GPC5: variants seen among roughly 807,000 people sequenced by gnomAD.
The protein encoded by GPC5 is glypican-5.
Under a neutral mutation model 53.9 loss-of-function variants are expected in GPC5, and 47 were observed. The observed-to-expected ratio is 0.87, with a 90% CI of 0.69 to 1.11. The LOEUF (loss-of-function observed/expected upper bound fraction) is 1.11. GPC5 is among the 50% of genes most tolerant of loss of function. The pLI, the probability that GPC5 is intolerant of heterozygous loss-of-function variation, is 0.00. For synonymous variants in GPC5, 286 were observed against 263.3 expected, an observed-to-expected ratio of 1.09 and a Z score of -0.84; for missense variants, 748 against 713.1, an observed-to-expected ratio of 1.05 and a Z score of -0.56.
intron 7 of GPC5, among the ~76,000 whole-genome samples, chr13:92,602,241 T>TAAATATATATATATAAC (rs1566314142): frequency 1.1e-4 from 14 of 127,404 alleles, no homozygotes; most frequent in Admixed American, 1.7e-4. Context: ...AACATATATA[T>TAAATATATATATATAAC]ATATATATAT....
intron 6 of GPC5, among the ~76,000 whole-genome samples, chr13:91,914,394 TAA>T (rs149879759): frequency 0.012 from 1,753 of 152,264 alleles, 13 homozygotes; most frequent in African/African-American, 0.021. Flanking sequence ...TCAAATAACA[TAA>T]GAGTATTAAG....
intron 7 of GPC5, among the ~76,000 whole-genome samples, chr13:92,202,005 GCTGT>G (rs905307963): frequency 1.6e-4 from 25 of 152,220 alleles, no homozygotes; most frequent in African/African-American, 5.1e-4. Context: ...AACTAATTGT[GCTGT>G]CTAAGGAAAG....
At chr13:92,804,658 T>C (rs1594518840) in intron 7 of GPC5, among the ~76,000 whole-genome samples, 1 of 152,142 alleles carries the variant, frequency 6.6e-6, no homozygotes, top group Admixed American at 6.6e-5. Flanking sequence ...GGATTGGCTG[T>C]GGCAATTTCT....
At chr13:91,496,277 G>A (rs1041083226) in intron 2 of GPC5, among the ~76,000 whole-genome samples, 1 of 152,082 alleles carries the variant, frequency 6.6e-6, no homozygotes, top group Non-Finnish European at 1.5e-5. Flanking sequence ...CCATGGCTAG[G>A]TATATTCACA....
At chr13:92,289,245 G>A (rs1313184699) in intron 7 of GPC5, among the ~76,000 whole-genome samples, 2 of 152,152 alleles carry the variant, frequency 1.3e-5, no homozygotes, top group Non-Finnish European at 2.9e-5. Flanking sequence ...ATTAATTTTA[G>A]AATGTATTTA....
chr13:92,408,892 C>T (rs1258072951), intron 7 of GPC5, among the ~76,000 whole-genome samples: 1 of 151,970 alleles, frequency 6.6e-6, no homozygotes, highest in African/African-American at 2.4e-5. Context: ...GTGCCATATA[C>T]ATGAATGAAA....
chr13:91,446,930 A>G (rs1437580115), intron 1 of GPC5, among the ~76,000 whole-genome samples: 1 of 152,204 alleles, frequency 6.6e-6, no homozygotes, highest in Non-Finnish European at 1.5e-5. Flanking sequence ...TGAGACAGAG[A>G]AGAGACCATG....
At chr13:91,891,748 T>C (rs1467734740) in intron 5 of GPC5, among the ~76,000 whole-genome samples, 4 of 152,144 alleles carry the variant, frequency 2.6e-5, no homozygotes, top group Non-Finnish European at 5.9e-5. Flanking sequence ...TCTCATGTGG[T>C]TAAATTTTGT....
chr13:91,555,534 T>A (rs1358108362), intron 2 of GPC5, among the ~76,000 whole-genome samples: 3 of 152,094 alleles, frequency 2.0e-5, no homozygotes, highest in Admixed American at 1.3e-4. Flanking sequence ...TCCTATTAAA[T>A]GTTTATTTCT....
chr13:92,120,510 C>T (rs1169664279), intron 6 of GPC5, among the ~76,000 whole-genome samples: 1 of 152,102 alleles, frequency 6.6e-6, no homozygotes, highest in Non-Finnish European at 1.5e-5. Context: ...TCCTGCCACT[C>T]AAAGTGCTAG....
chr13:91,922,302 T>C lies in GPC5; in HGVS notation c.1401+14245T>C, dbSNP rs191371513. On this transcript the variant is annotated intron_variant, in intron 6 of 7. Transcript: ENST00000377067. ...ATTTAGTACTCTGATAAATATAAAC[T>C]TTTTTTAAAAAAAACTAAAGGCGAA... Among the ~76,000 whole-genome samples, 876 of 152,222 alleles carry C rather than the reference T, an allele frequency of 5.8e-3. 8 individuals carry two copies. Among genetic ancestry groups the C allele is most frequent in the Admixed American group, 0.01 (154 of 15,290 alleles).
intron 6 of GPC5, among the ~76,000 whole-genome samples, chr13:91,938,628 G>A (rs2039893840): frequency 6.6e-6 from 1 of 152,128 alleles, no homozygotes; most frequent in African/African-American, 2.4e-5. Flanking sequence ...CCTGTACCCA[G>A]AAGATTCAGG....
intron 6 of GPC5, chr13:91,996,262 G>T (rs2040503222): frequency 6.6e-6 from 1 of 152,232 alleles, no homozygotes; most frequent in Non-Finnish European, 1.5e-5. Flanking sequence ...GAAAGTGTTA[G>T]ATCAGTTATC....
intron 7 of GPC5, among the ~76,000 whole-genome samples, chr13:92,410,525 CTTTA>C (rs1875996552): frequency 6.6e-6 from 1 of 152,110 alleles, no homozygotes; most frequent in Non-Finnish European, 1.5e-5. Context: ...ACAGAACTTT[CTTTA>C]TTTAACCCAT....
intron 7 of GPC5, among the ~76,000 whole-genome samples, chr13:92,443,975 A>G (rs1447731308): frequency 6.6e-6 from 1 of 152,226 alleles, no homozygotes; most frequent in Non-Finnish European, 1.5e-5. Flanking sequence ...AGTCATGCTC[A>G]GCTGCTACAT....
At chr13:91,972,080 A>G (rs1442464756) in intron 6 of GPC5, among the ~76,000 whole-genome samples, 3 of 152,116 alleles carry the variant, frequency 2.0e-5, no homozygotes. Flanking sequence ...AAAGTCTCCC[A>G]TTATTATTGT....
At chr13:92,090,843 A>G (rs2041374368) in intron 6 of GPC5, among the ~76,000 whole-genome samples, 2 of 152,368 alleles carry the variant, frequency 1.3e-5, no homozygotes, top group Non-Finnish European at 2.9e-5. Flanking sequence ...GAATTATTTT[A>G]TCAGTTCAAA....
intron 7 of GPC5, among the ~76,000 whole-genome samples, chr13:92,487,012 T>C (rs1040981360): frequency 1.3e-5 from 2 of 152,082 alleles, no homozygotes; most frequent in African/African-American, 4.8e-5. Flanking sequence ...CCCACCATCA[T>C]GCCTGGCTAA....
chr13:92,764,117 G>T (rs2138741015), intron 7 of GPC5, among the ~76,000 whole-genome samples: 1 of 152,320 alleles, frequency 6.6e-6, no homozygotes, highest in East Asian at 1.9e-4. Context: ...CTCAGCCAAG[G>T]CATCGGTTTT....
Sources: gnomAD v4.1 joint callset for allele counts (sites outside exome capture counted in the v4.1 genomes callset) on GRCh38, gnomAD v4.1.1 for gene constraint, MANE v1.5 for transcripts, NCBI Gene and HGNC (gene_info 2026-07-23, HGNC 2026-07-21) for gene names.